The following GRM7 variants were observed in gnomAD, a reference collection of about 807,000 sequenced individuals.
GRM7 encodes glutamate metabotropic receptor 7, also known as metabotropic glutamate receptor 7.
GRM7 carries 35 observed loss-of-function variants against 84.5 expected under a neutral mutation model. The ratio of observed to expected loss-of-function variants is 0.41; its 90% CI spans 0.32 to 0.55. GRM7 has a LOEUF of 0.55. Among genes scored for constraint, GRM7 ranks in the 20% least tolerant of loss-of-function variants. The probability of loss-of-function intolerance (pLI) is 0.19; values close to 1 mark genes in which losing one functional copy is unlikely to be tolerated. For missense variants in GRM7, 1,003 were observed against 1,194.6 expected (o/e 0.84, Z 2.36); for synonymous variants, 487 against 455.1 (o/e 1.07, Z -0.89).
At chr3:7,124,763 G>A (rs145078515) in intron 1 of GRM7, among the ~76,000 whole-genome samples, 268 of 151,922 alleles carry the variant, frequency 1.8e-3, no homozygotes, top group African/African-American at 6.1e-3. Flanking sequence ...TTTTGTAAAG[G>A]GAAAGAAAAT....
intron 2 of GRM7, among the ~76,000 whole-genome samples, chr3:7,257,565 T>C (rs546851676): frequency 2.6e-5 from 4 of 152,184 alleles, no homozygotes; most frequent in South Asian, 4.1e-4. Flanking sequence ...GGCAAAACCA[T>C]GAATATGAAT....
At chr3:6,903,468 T>C (rs888352972) in intron 1 of GRM7, among the ~76,000 whole-genome samples, 5 of 152,276 alleles carry the variant, frequency 3.3e-5, no homozygotes, top group Admixed American at 6.5e-5. Flanking sequence ...TGTTGCTGCA[T>C]ATGAACTTAA....
rs1207407996 is a variant in GRM7, at chr3:6,928,405, A to T, written c.519+66498A>T. Among the ~76,000 whole-genome samples, 3 of 152,180 alleles carry T rather than the reference A, an allele frequency of 2.0e-5. No individual in the cohort carries two copies. Among genetic ancestry groups the T allele is most frequent in the African/African-American group, 7.2e-5 (3 of 41,442 alleles). ...CACAGTGAATTTGCATTGATATTCG[A>T]TATAGGCATCATGGCATATGAGGAA... On this transcript the variant is annotated intron_variant, in intron 1 of 9. Transcript: ENST00000357716. This position sits in a 1 kb window ranked among gnomAD's most constrained non-coding sequence, Gnocchi z 4.5.
At chr3:7,460,886 G>A (rs986543396) in intron 6 of GRM7, among the ~76,000 whole-genome samples, 16 of 152,014 alleles carry the variant, frequency 1.1e-4, no homozygotes, top group African/African-American at 3.9e-4. Flanking sequence ...AAATATATTC[G>A]TTCTTTAAAA....
chr3:7,689,260 G>C (rs747940884), intron 9 of GRM7, among the ~76,000 whole-genome samples: 1 of 152,146 alleles, frequency 6.6e-6, no homozygotes, highest in Non-Finnish European at 1.5e-5. Flanking sequence ...AATCATATTG[G>C]TTTATTGTAA....
At chr3:7,129,547 T>C (rs114177904) in intron 1 of GRM7, among the ~76,000 whole-genome samples, 1,557 of 152,306 alleles carry the variant, frequency 0.01, 23 homozygotes, top group African/African-American at 0.034. Flanking sequence ...GTGCAAGTGT[T>C]GTATGCCAAG....
At chr3:7,118,922 A>G (rs1206289166) in intron 1 of GRM7, among the ~76,000 whole-genome samples, 2 of 152,156 alleles carry the variant, frequency 1.3e-5, no homozygotes, top group Non-Finnish European at 2.9e-5. Flanking sequence ...ACATTTTGGA[A>G]GTGTGACATT....
chr3:7,444,517 GT>G (rs1402856781), intron 5 of GRM7, among the ~76,000 whole-genome samples: 2 of 152,148 alleles, frequency 1.3e-5, no homozygotes, highest in Non-Finnish European at 2.9e-5. Flanking sequence ...GTGACAAACG[GT>G]GTTTTTACCT....
intron 7 of GRM7, among the ~76,000 whole-genome samples, chr3:7,538,011 C>G (rs754562536): frequency 6.6e-5 from 10 of 152,132 alleles, no homozygotes; most frequent in Non-Finnish European, 1.2e-4. Flanking sequence ...GCAGCAGTAT[C>G]CAAAATTTAA....
At chr3:6,940,338 T>A (rs1697845293) in intron 1 of GRM7, among the ~76,000 whole-genome samples, 1 of 152,112 alleles carries the variant, frequency 6.6e-6, no homozygotes, top group Admixed American at 6.6e-5. Context: ...TATCTGCCCA[T>A]CTCGGCCTCC....
At chr3:7,367,066 T>C (rs191125442) in intron 4 of GRM7, among the ~76,000 whole-genome samples, 6 of 151,984 alleles carry the variant, frequency 3.9e-5, no homozygotes, top group African/African-American at 1.4e-4. Context: ...TTCTCTGAAG[T>C]TGTGCTAGTT....
At chr3:6,987,805 C>A (rs1406173196) in intron 1 of GRM7, among the ~76,000 whole-genome samples, 2 of 152,168 alleles carry the variant, frequency 1.3e-5, no homozygotes, top group East Asian at 1.9e-4. Flanking sequence ...ACAGAGAGAC[C>A]AGGAAGGTGG....
chr3:7,401,256 A>G (rs1378419209), intron 4 of GRM7, among the ~76,000 whole-genome samples: 1 of 152,152 alleles, frequency 6.6e-6, no homozygotes, highest in Non-Finnish European at 1.5e-5. Context: ...GGTAGCAAGC[A>G]CAGGCCCTGC....
At chr3:7,044,644 C>T (rs1183010975) in intron 1 of GRM7, among the ~76,000 whole-genome samples, 1 of 152,072 alleles carries the variant, frequency 6.6e-6, no homozygotes, top group Non-Finnish European at 1.5e-5. Flanking sequence ...ACAACTTAGC[C>T]CTTAATTAGC....
At chr3:6,876,524 T>C (rs1377462496) in intron 1 of GRM7, among the ~76,000 whole-genome samples, 2 of 151,928 alleles carry the variant, frequency 1.3e-5, no homozygotes, top group South Asian at 2.1e-4. Context: ...GCCTATATAC[T>C]CATGTTAAAA....
At chr3:7,261,319 G>A (rs1698413945) in intron 2 of GRM7, among the ~76,000 whole-genome samples, 1 of 152,182 alleles carries the variant, frequency 6.6e-6, no homozygotes, top group African/African-American at 2.4e-5. Flanking sequence ...TTATGGTTTT[G>A]AGTGATTTTC....
intron 2 of GRM7, among the ~76,000 whole-genome samples, chr3:7,211,734 C>A (rs1435469678): frequency 6.6e-6 from 1 of 150,444 alleles, no homozygotes; most frequent in East Asian, 1.9e-4. Flanking sequence ...AGGCAAGTAC[C>A]AGAAGAAATT....
At chr3:7,224,819 G>A (rs1696930412) in intron 2 of GRM7, among the ~76,000 whole-genome samples, 1 of 152,022 alleles carries the variant, frequency 6.6e-6, no homozygotes, top group African/African-American at 2.4e-5. Context: ...AGGGGTGCAA[G>A]GTCATACCAA....
rs375808602 is a variant in GRM7, at chr3:7,740,471, A to G, written c.*65A>G. ...CAGTTATTTTGTCACCCAACCTGGC[A>G]TAGGACTCTTTGGTCCTACCCGCTT... On this transcript the variant is annotated 3_prime_UTR_variant, in exon 10 of 10. Transcript: ENST00000357716. 9 of 946,478 alleles carry G rather than the reference A, an allele frequency of 9.5e-6. No individual in the cohort carries two copies. The highest frequency in any genetic ancestry group is 1.5e-5 in the Non-Finnish European group (9 of 618,936). 58.6% of individuals were successfully genotyped at this position (946,478 alleles called of 1,614,324 possible). A position where few individuals can be genotyped will look rare whatever the true frequency, so the allele number is the denominator to read the frequency against.
Sources: allele counts gnomAD v4.1 joint callset (sites outside exome capture counted in the v4.1 genomes callset), GRCh38; gene constraint gnomAD v4.1.1; non-coding constraint Gnocchi (gnomAD v3.1); transcripts MANE v1.5; gene names NCBI Gene and HGNC (gene_info 2026-07-23, HGNC 2026-07-21).